Variants in MYO19 observed in about 807,000 individuals in gnomAD.
MYO19 encodes the protein myosin XIX.
In MYO19, 132 loss-of-function variants were observed where a neutral mutation model predicts 129.2. That is an observed-to-expected ratio of 1.02 (90% CI 0.89 to 1.18). The LOEUF (loss-of-function observed/expected upper bound fraction) is 1.18, where lower values mean the gene tolerates loss of function less well. MYO19 is among the 50% of genes most tolerant of loss of function. The probability of loss-of-function intolerance (pLI) is 0.00; values close to 1 mark genes in which losing one functional copy is unlikely to be tolerated. For missense variants in MYO19, 1,210 were observed against 1,216.7 expected, an observed-to-expected ratio of 0.99 and a Z score of 0.08; for synonymous variants, 531 against 477.2, an observed-to-expected ratio of 1.11 and a Z score of -1.47.
chr17:36,530,417 C>G (rs1400494788), intron 3 of MYO19, among the ~76,000 whole-genome samples: 1 of 149,920 alleles, frequency 6.7e-6, no homozygotes, highest in African/African-American at 2.5e-5. Flanking sequence ...TGGAATCTGC[C>G]AAAAGGGGTT....
chr17:36,509,228 G>A (rs2072145926), intron 13 of MYO19, 93 bp from the exon 14 acceptor site: 20 of 1,072,080 alleles, frequency 1.9e-5, no homozygotes, highest in Non-Finnish European at 2.7e-5. Context: ...CTACACCCTG[G>A]GGGGCCCTTG....
exon 1 of MYO19, chr17:36,543,207 G>A (rs566332756): frequency 1.3e-5 from 2 of 152,240 alleles, no homozygotes; most frequent in African/African-American, 4.8e-5. Context: ...CCAGGCCGGA[G>A]CACAATGGCG....
intron 5 of MYO19, 54 bp downstream of exon 5, chr17:36,527,497 G>A (rs967206456): frequency 2.5e-6 from 4 of 1,580,550 alleles, no homozygotes; most frequent in East Asian, 2.2e-5. Flanking sequence ...ACTGCAAAGA[G>A]GTTTAGCGGG....
Position 36,505,411 on chromosome 17 carries a change from A to G in MYO19, c.1798-7T>C. The G allele has an allele frequency of 6.2e-7, 1 of 1,611,682 alleles. No homozygotes were observed. Among genetic ancestry groups the G allele is most frequent in the Non-Finnish European group, 8.5e-7 (1 of 1,178,010 alleles). ...GAAGCTGCTCCAGTGAGGCCTGCAGATGAGAGACCATGGGGTTAGGCAGGG... is the reference window on the plus strand; with the variant it reads ...GAAGCTGCTCCAGTGAGGCCTGCAGGTGAGAGACCATGGGGTTAGGCAGGG... On this transcript the variant is annotated splice_polypyrimidine_tract_variant and splice_region_variant and intron_variant, in intron 18 of 25. Coordinates refer to ENST00000614623, the MANE Select transcript of MYO19 (RefSeq NM_001163735.2).
intron 12 of MYO19, 149 bp downstream of exon 12, chr17:36,511,216 G>A: frequency 1.2e-6 from 1 of 801,076 alleles, no homozygotes; most frequent in South Asian, 1.7e-5. Flanking sequence ...ACAGGGTGAG[G>A]AGTAAATGAT....
intron 25 of MYO19, 170 bp downstream of exon 25, chr17:36,498,092 CAAAA>C: frequency 4.7e-6 from 3 of 637,970 alleles, no homozygotes; most frequent in Non-Finnish European, 7.7e-6. Flanking sequence ...CCAGTTATAA[CAAAA>C]TAAATAATCC....
chr17:36,508,917 T>C, intron 14 of MYO19, 145 bp downstream of exon 14: 1 of 690,964 alleles, frequency 1.4e-6, no homozygotes, highest in South Asian at 1.7e-5. Flanking sequence ...GATCTCGCTC[T>C]ATGCTGGCAG....
chr17:36,515,843 G>A lies in MYO19; in HGVS notation c.547+15C>T. 5.0e-6 allele frequency: 8 copies of A among 1,606,910 alleles called. No individual in the cohort carries two copies. The highest frequency in any genetic ancestry group is 6.8e-6 in the Non-Finnish European group (8 of 1,174,370). Reference sequence around the variant, plus strand: ...AAATGGGACTGAGATACTGTGCAAAGGAGCCCAAGCTCACCAAAAGCTTCC... The same window carrying A: ...AAATGGGACTGAGATACTGTGCAAAAGAGCCCAAGCTCACCAAAAGCTTCC... On this transcript the variant is annotated intron_variant, in intron 7 of 25. Coordinates refer to ENST00000614623, the MANE Select transcript of MYO19 (RefSeq NM_001163735.2).
At chr17:36,501,285 C>G (rs2071510179) in intron 21 of MYO19, 50 bp from the exon 22 acceptor site, 3 of 1,553,856 alleles carry the variant, frequency 1.9e-6, no homozygotes, top group Middle Eastern at 1.7e-4. Context: ...CTACATGCCT[C>G]TGTGGCCTGA....
intron 13 of MYO19, chr17:36,510,033 C>T (rs1251284015): frequency 6.6e-6 from 1 of 152,286 alleles, no homozygotes; most frequent in East Asian, 1.9e-4. Context: ...AGGCTATTGG[C>T]TCTTTGTGGA....
chr17:36,496,165 AAT>A lies in MYO19; in HGVS notation c.*84_*85del, dbSNP rs2070947242. On this transcript the variant is annotated 3_prime_UTR_variant, in exon 26 of 26. Transcript: ENST00000614623. ...TCATGTGCATTTGGAGCACTGTGGG[AAT>A]AGTCTGGCAGCTGTGTGCTGATTAA... 6.5e-7 allele frequency: 1 copy of A among 1,527,710 alleles called. No homozygotes were observed. The highest frequency in any genetic ancestry group is 2.3e-5 in the East Asian group (1 of 44,222). The allele number at this position is 1,527,710 out of a possible 1,614,324, so 94.6% of individuals were successfully genotyped here.
intron 14 of MYO19, 94 bp from the exon 15 acceptor site, chr17:36,508,018 G>T: frequency 7.4e-7 from 1 of 1,356,478 alleles, no homozygotes; most frequent in Non-Finnish European, 9.8e-7. Context: ...CCCTGCCAAT[G>T]CCTTATACTT....
At chr17:36,499,253 A>C in intron 23 of MYO19, 93 bp from the exon 24 acceptor site, 2 of 886,292 alleles carry the variant, frequency 2.3e-6, no homozygotes, top group Non-Finnish European at 3.5e-6. Context: ...GTTGCTGTCA[A>C]AGTTTCAAAT....
chr17:36,543,663 T>C (rs1397588891), upstream of MYO19, among the ~76,000 whole-genome samples: 1 of 151,474 alleles, frequency 6.6e-6, no homozygotes, highest in Non-Finnish European at 1.5e-5. Flanking sequence ...TCGCTCTTGT[T>C]GCCCAGGCTG....
At chr17:36,527,041 C>T (rs976177954) in intron 5 of MYO19, among the ~76,000 whole-genome samples, 4 of 152,084 alleles carry the variant, frequency 2.6e-5, no homozygotes, top group Non-Finnish European at 5.9e-5. Flanking sequence ...TGGCATATGC[C>T]TGTAATCCCA....
At chr17:36,519,385 T>A (rs2073001324) in intron 6 of MYO19, among the ~76,000 whole-genome samples, 1 of 152,234 alleles carries the variant, frequency 6.6e-6, no homozygotes, top group Non-Finnish European at 1.5e-5. Context: ...AGCTTTCCTT[T>A]ATGAATGTTA....
intron 3 of MYO19, among the ~76,000 whole-genome samples, chr17:36,528,463 ATTGTG>A: frequency 2.0e-5 from 3 of 151,094 alleles, no homozygotes; most frequent in Admixed American, 6.6e-5. Flanking sequence ...GTGAGCCAAC[ATTGTG>A]CTACTGCACT....
intron 3 of MYO19, among the ~76,000 whole-genome samples, chr17:36,529,061 C>A (rs982871082): frequency 2.0e-4 from 30 of 151,944 alleles, no homozygotes; most frequent in African/African-American, 7.3e-4. Flanking sequence ...TCCCTTGGCC[C>A]GAGTCTGCTT....
At chr17:36,496,610 T>C (rs2071002108) in intron 25 of MYO19, among the ~76,000 whole-genome samples, 1 of 152,156 alleles carries the variant, frequency 6.6e-6, no homozygotes, top group African/African-American at 2.4e-5. Context: ...CTAAGAGGAA[T>C]GTCTGTCACA....
Sources: gnomAD v4.1 joint callset for allele counts (sites outside exome capture counted in the v4.1 genomes callset) on GRCh38, gnomAD v4.1.1 for gene constraint, MANE v1.5 for transcripts, NCBI Gene and HGNC (gene_info 2026-07-23, HGNC 2026-07-21) for gene names.